COPA: variants seen among roughly 807,000 people sequenced by gnomAD.
COPA encodes coatomer subunit alpha.
COPA carries 10 observed loss-of-function variants against 158.7 expected under a neutral mutation model. The ratio of observed to expected loss-of-function variants is 0.06; its 90% CI spans 0.04 to 0.11. The LOEUF (loss-of-function observed/expected upper bound fraction) is 0.11, where lower values mean the gene tolerates loss of function less well. COPA is among the 10% of genes least tolerant of loss of function. COPA has a pLI of 1.00. For missense variants in COPA, 1,065 were observed against 1,536.7 expected (o/e 0.69, Z 5.13); for synonymous variants, 462 against 542.8 (o/e 0.85, Z 2.07).
Position 160,297,380 on chromosome 1 carries a change from C to A in COPA, c.2226G>T (p.Val742=). 3 of 1,614,230 alleles carry A rather than the reference C, an allele frequency of 1.9e-6. 1 individual carries two copies. The South Asian group carries it at 3.3e-5, about 18-fold the overall frequency. Residue 742 remains valine (V), a synonymous_variant, in exon 21 of 33, where the codon GTG becomes GTT. Transcript: ENST00000241704. The stretch of plus-strand genomic sequence containing the variant: ...TCTTCAGGATCCGCACACGCTCTGA[C>A]ACATCACCCAGGTATAGGGCATTCT... ...HYQNALYLGD[V]SERVRILKNC...
chr1:160,293,266 G>C, intron 26 of COPA, 32 bp from the exon 27 acceptor site: 1 of 1,613,722 alleles, frequency 6.2e-7, no homozygotes, highest in Admixed American at 1.7e-5. Context: ...CAAGCCAAGT[G>C]AAACTTTGTC....
At chr1:160,327,727 G>T (rs555343393) in intron 6 of COPA, among the ~76,000 whole-genome samples, 2 of 151,992 alleles carry the variant, frequency 1.3e-5, no homozygotes, top group Non-Finnish European at 2.9e-5. Flanking sequence ...GTGTGGTGGT[G>T]CATGCCTGTA....
chr1:160,310,153 A>T, intron 12 of COPA, 39 bp downstream of exon 12: 1 of 1,339,540 alleles, frequency 7.5e-7, no homozygotes, highest in Non-Finnish European at 1.0e-6. Context: ...GACCTATGGA[A>T]AATGAGGAGA....
intron 25 of COPA, among the ~76,000 whole-genome samples, chr1:160,293,970 A>C (rs1471641869): frequency 8.5e-5 from 13 of 152,242 alleles, no homozygotes; most frequent in Admixed American, 8.5e-4. Flanking sequence ...ACTCCAATTC[A>C]GATGAAACAG....
intron 9 of COPA, 25 bp downstream of exon 9, chr1:160,313,965 C>T: frequency 3.9e-6 from 6 of 1,557,056 alleles, no homozygotes; most frequent in Non-Finnish European, 5.2e-6. Flanking sequence ...AGAGAAAGTT[C>T]ACACAACACT....
intron 8 of COPA, among the ~76,000 whole-genome samples, chr1:160,318,961 G>A (rs531583014): frequency 6.6e-6 from 1 of 150,780 alleles, no homozygotes; most frequent in East Asian, 1.9e-4. Context: ...GTAAGAAAAG[G>A]AAGAGAGAAG....
At chr1:160,342,581 T>C (rs978557304) in intron 1 of COPA, among the ~76,000 whole-genome samples, 1 of 152,202 alleles carries the variant, frequency 6.6e-6, no homozygotes, top group Non-Finnish European at 1.5e-5. Context: ...ATCTGGCAAC[T>C]CTATCAAGTT....
chr1:160,296,036 G>T (rs1473633963), intron 22 of COPA, 25 bp downstream of exon 22: 2 of 1,605,308 alleles, frequency 1.2e-6, no homozygotes, highest in African/African-American at 1.3e-5. Context: ...TGTAATAAGA[G>T]ACAATTATGT....
intron 17 of COPA, among the ~76,000 whole-genome samples, chr1:160,304,475 C>G (rs1007552566): frequency 3.3e-5 from 5 of 151,698 alleles, no homozygotes; most frequent in Non-Finnish European, 7.4e-5. Flanking sequence ...ACCAGCCTGG[C>G]CAACATGGTG....
intron 3 of COPA, among the ~76,000 whole-genome samples, chr1:160,336,100 C>G (rs1429847457): frequency 6.7e-6 from 1 of 148,932 alleles, no homozygotes; most frequent in Non-Finnish European, 1.5e-5. Context: ...AATCCCAGCA[C>G]TTTGGGAGGT....
chr1:160,295,738 T>G lies in COPA; in HGVS notation c.2474A>C (p.Lys825Thr). The part of the protein sequence containing the change: ...KGFFEGTIAS[K>T]GKGGALAADI... ...CTATGGGAGAAATAGGTACTTACCT[T>G]TGCTGGCAATGGTGCCTTCAAAAAA... Residue 825 changes from lysine to threonine, a missense_variant and splice_region_variant, in exon 23 of 33, where the codon AAA (lysine) becomes ACA (threonine). Lys to Thr is a moderately conservative substitution (Grantham distance 78). Transcript: ENST00000241704. The G allele has an allele frequency of 1.2e-6, 2 of 1,603,730 alleles. No homozygotes were observed. Among genetic ancestry groups the G allele is most frequent in the Non-Finnish European group, 1.7e-6 (2 of 1,176,796 alleles).
intron 30 of COPA, 28 bp from the exon 31 acceptor site, chr1:160,291,524 C>T (rs970431767): frequency 2.5e-6 from 4 of 1,607,400 alleles, no homozygotes; most frequent in Non-Finnish European, 3.4e-6. Context: ...GAACACATGC[C>T]AGGTTGATGC....
At chr1:160,318,492 C>CAAAAAAAAAAAAAAAAAAAAAAA (rs1184111001) in intron 8 of COPA, among the ~76,000 whole-genome samples, 3 of 58,080 alleles carry the variant, frequency 5.2e-5, no homozygotes, top group Non-Finnish European at 8.5e-5. Context: ...AAAAAAAAAA[C>CAAAAAAAAAAAAAAAAAAAAAAA]AAAAAAAAAA....
chr1:160,294,413 G>T, intron 25 of COPA, 71 bp downstream of exon 25: 1 of 1,315,636 alleles, frequency 7.6e-7, no homozygotes, highest in East Asian at 2.3e-5. Flanking sequence ...ATAGTGGTAG[G>T]GGACAATAAG....
chr1:160,340,366 G>GA lies in COPA; in HGVS notation c.41-73dup, dbSNP rs1430286953. 3.1e-6 allele frequency: 3 copies of GA among 979,402 alleles called. No individual in the cohort carries two copies. In the African/African-American group the frequency reaches 4.8e-5, roughly 16 times the overall value. The allele number at this position is 979,402 out of a possible 1,614,324, so 60.7% of individuals were successfully genotyped here. ...TGTCACCTTCTGTCAATTCTGATAA[G>GA]AAAAAGAAACATCAAGGTTAATCCT... On this transcript the variant is annotated intron_variant, in intron 1 of 32. Coordinates refer to ENST00000241704, the MANE Select transcript of COPA (RefSeq NM_004371.4).
At chr1:160,325,266 G>A (rs954788882) in intron 7 of COPA, among the ~76,000 whole-genome samples, 2 of 152,186 alleles carry the variant, frequency 1.3e-5, no homozygotes, top group African/African-American at 4.8e-5. Context: ...CAGAAAGCTT[G>A]AGAATGGGCT....
At position 160,306,540 on chromosome 1, in the gene COPA, A is replaced by G. The variant is rs1236827634; in HGVS notation, c.1303-47T>C. On this transcript the variant is annotated intron_variant, in intron 14 of 32. Transcript: ENST00000241704. ...GGGTTAAGAGAAGAAATGTGTATAG[A>G]TGATGATGACAACTGATGATGTTCC... The G allele has an allele frequency of 3.1e-6, 5 of 1,607,428 alleles. No homozygotes were observed. In the East Asian group the frequency reaches 8.9e-5, roughly 29 times the overall value.
At chr1:160,319,710 C>A (rs1659268734) in intron 8 of COPA, among the ~76,000 whole-genome samples, 1 of 151,136 alleles carries the variant, frequency 6.6e-6, no homozygotes, top group Non-Finnish European at 1.5e-5. Flanking sequence ...AACTAGAAAT[C>A]AATAACAAGA....
At chr1:160,316,047 G>A (rs761627414) in intron 8 of COPA, among the ~76,000 whole-genome samples, 44 of 152,164 alleles carry the variant, frequency 2.9e-4, no homozygotes, top group Non-Finnish European at 5.3e-4. Flanking sequence ...CAGTGAGCTC[G>A]AAGACTGGCT....
Sources: allele counts gnomAD v4.1 joint callset (sites outside exome capture counted in the v4.1 genomes callset), GRCh38; gene constraint gnomAD v4.1.1; transcripts MANE v1.5; gene names NCBI Gene and HGNC (gene_info 2026-07-23, HGNC 2026-07-21).